Variants in COPB1 observed in about 807,000 individuals in gnomAD.
COPB1 encodes coatomer subunit beta.
A neutral mutation model predicts 108.7 loss-of-function variants in COPB1; 21 were observed. That is an observed-to-expected ratio of 0.19 (90% CI 0.14 to 0.28). COPB1 has a LOEUF of 0.28. Ranked by LOEUF, COPB1 falls within the 10% of genes least tolerant of loss-of-function variation. The pLI, the probability that COPB1 is intolerant of heterozygous loss-of-function variation, is 1.00. For missense variants in COPB1, 919 were observed against 1,141.3 expected (o/e 0.81, Z 2.81); for synonymous variants, 378 against 386.8 (o/e 0.98, Z 0.27).
At chr11:14,493,984 C>T (rs912415918) in intron 3 of COPB1, among the ~76,000 whole-genome samples, 173 bp from the exon 4 acceptor site, 2 of 152,100 alleles carry the variant, frequency 1.3e-5, no homozygotes, top group African/African-American at 4.8e-5. Context: ...TCATCAATGT[C>T]TTATATGTGT....
intron 14 of COPB1, among the ~76,000 whole-genome samples, chr11:14,469,819 C>T (rs1239188106): frequency 2.6e-5 from 4 of 152,236 alleles, no homozygotes; most frequent in African/African-American, 9.6e-5. Flanking sequence ...TCCAGTCCTT[C>T]TCTGTAACCA....
At position 14,466,263 on chromosome 11, in the gene COPB1, G is replaced by A. The variant is rs1291101074; in HGVS notation, c.2290+19C>T. The A allele has an allele frequency of 2.5e-6, 4 of 1,611,076 alleles. No individual in the cohort carries two copies. The highest frequency in any genetic ancestry group is 3.4e-6 in the Non-Finnish European group (4 of 1,178,390). On this transcript the variant is annotated intron_variant, in intron 17 of 21. Coordinates refer to ENST00000439561, the MANE Select transcript of COPB1 (RefSeq NM_001144061.2). The stretch of plus-strand genomic sequence containing the variant: ...TCTACTATGTGACAATCTCTTTCCT[G>A]AATGGTAAGTTTCCTCACCTAGTGT...
intron 4 of COPB1, among the ~76,000 whole-genome samples, chr11:14,491,109 G>A (rs1354040392): frequency 6.6e-6 from 1 of 151,514 alleles, no homozygotes; most frequent in South Asian, 2.1e-4. Flanking sequence ...GCAGTGGAGT[G>A]ATCTCGGCTT....
At position 14,479,425 on chromosome 11, in the gene COPB1, A is replaced by G. The variant is rs1850607934; in HGVS notation, c.1358+144T>C. On this transcript the variant is annotated intron_variant, in intron 11 of 21. Coordinates refer to ENST00000439561, the MANE Select transcript of COPB1 (RefSeq NM_001144061.2). The stretch of plus-strand genomic sequence containing the variant: ...TTTATTATAGACTAAATGAGAGTGG[A>G]GTTAGCGAGATGCTTGTTGTACAAA... 4.6e-6 allele frequency: 3 copies of G among 650,490 alleles called. No homozygotes were observed. The East Asian group carries it at 8.5e-5, about 18-fold the overall frequency. 40.3% of individuals were successfully genotyped at this position (650,490 alleles called of 1,614,324 possible). A position where few individuals can be genotyped will look rare whatever the true frequency, so the allele number is the denominator to read the frequency against.
At chr11:14,464,142 A>C (rs1225824582) in intron 18 of COPB1, among the ~76,000 whole-genome samples, 4 of 152,138 alleles carry the variant, frequency 2.6e-5, no homozygotes, top group African/African-American at 9.7e-5. Context: ...ACCCATTCTG[A>C]ACTCCAAGTG....
chr11:14,475,052 C>G (rs1281952444), intron 13 of COPB1, among the ~76,000 whole-genome samples: 1 of 147,092 alleles, frequency 6.8e-6, no homozygotes, highest in African/African-American at 2.5e-5. Context: ...CATGATCGCG[C>G]CACTGCACTC....
Position 14,477,020 on chromosome 11 carries a change from C to T in COPB1, c.1359-5G>A. 6.4e-7 allele frequency: 1 copy of T among 1,560,616 alleles called. No homozygotes were observed. Among genetic ancestry groups the T allele is most frequent in the Non-Finnish European group, 8.8e-7 (1 of 1,131,838 alleles). ...CATAATGCTCCTCGGTAAATCCTAG[C>T]ACAATACAAGATCTGAAACATGAAC... On this transcript the variant is annotated splice_region_variant and splice_polypyrimidine_tract_variant and intron_variant, in intron 11 of 21. Coordinates refer to ENST00000439561, the MANE Select transcript of COPB1 (RefSeq NM_001144061.2).
At chr11:14,458,007 CCAAA>C in intron 21 of COPB1, 124 bp from the exon 22 acceptor site, 1 of 494,128 alleles carries the variant, frequency 2.0e-6, no homozygotes, top group South Asian at 3.9e-5. Flanking sequence ...CAAGGACATA[CCAAA>C]CAGACTTACC....
intron 13 of COPB1, 114 bp from the exon 14 acceptor site, chr11:14,474,729 A>G: frequency 7.0e-7 from 1 of 1,426,248 alleles, no homozygotes; most frequent in Non-Finnish European, 9.3e-7. Context: ...CTTCAGTGAT[A>G]AGGATACCTT....
intron 2 of COPB1, among the ~76,000 whole-genome samples, chr11:14,498,179 T>C (rs1851069338): frequency 6.6e-6 from 1 of 152,206 alleles, no homozygotes; most frequent in African/African-American, 2.4e-5. Context: ...TGTAACTGGA[T>C]TGTCACACAG....
At chr11:14,470,132 GTTT>G (rs144902005) in intron 14 of COPB1, among the ~76,000 whole-genome samples, 4 of 152,104 alleles carry the variant, frequency 2.6e-5, no homozygotes, top group African/African-American at 9.7e-5. Context: ...GTCTTAAAAT[GTTT>G]TTGTTTTATT....
At chr11:14,458,804 TC>T in intron 20 of COPB1, 117 bp from the exon 21 acceptor site, 1 of 960,858 alleles carries the variant, frequency 1.0e-6, no homozygotes, top group Non-Finnish European at 1.5e-6. Flanking sequence ...CACTCTGTTG[TC>T]CAGCTTGGAG....
intron 2 of COPB1, 36 bp downstream of exon 2, chr11:14,498,802 T>C: frequency 6.6e-7 from 1 of 1,505,536 alleles, no homozygotes; most frequent in Non-Finnish European, 9.0e-7. Flanking sequence ...GTTTTTTCTT[T>C]TTTCATTTCA....
Position 14,494,346 on chromosome 11 carries a change from A to G in COPB1, c.185T>C (p.Ile62Thr). 1 of 1,613,588 alleles carries G rather than the reference A, an allele frequency of 6.2e-7. No individual in the cohort carries two copies. The highest frequency in any genetic ancestry group is 8.5e-7 in the Non-Finnish European group (1 of 1,179,596). ...CTGAAGAGGTAGCACAAAACGAATG[A>G]TGGTCATCAGAAGTCCAGGAAGTTT... ...GEKLPGLLMT[I>T]IRFVLPLQDH... The change falls in exon 3 of 22, where the codon ATC (isoleucine) becomes ACC (threonine). Residue 62 changes from isoleucine to threonine, a missense_variant. By Grantham distance (89) the Ile-to-Thr change is moderately conservative. Coordinates refer to ENST00000439561, the MANE Select transcript of COPB1 (RefSeq NM_001144061.2).
chr11:14,490,501 T>G, intron 5 of COPB1, 64 bp downstream of exon 5: 1 of 869,804 alleles, frequency 1.1e-6, no homozygotes. Context: ...TGATTAAGTC[T>G]ATGTAATACT....
In COPB1 at chr11:14,476,893, C is replaced by T. The variant is rs1023669775; in HGVS notation, c.1455+26G>A. 7 of 1,422,054 alleles carry T rather than the reference C, an allele frequency of 4.9e-6. No homozygotes were observed. The African/African-American group carries it at 7.1e-5, about 14-fold the overall frequency. 88.1% of individuals were successfully genotyped at this position (1,422,054 alleles called of 1,614,324 possible). On this transcript the variant is annotated intron_variant, in intron 12 of 21. Transcript: ENST00000439561. Reference sequence around the variant, plus strand: ...CCTAAAGGAAAAATTACCATATAAACTAACATTTACTAAAGTAAAACATAC... The same window carrying T: ...CCTAAAGGAAAAATTACCATATAAATTAACATTTACTAAAGTAAAACATAC...
At chr11:14,496,869 A>G (rs1851032507) in intron 2 of COPB1, among the ~76,000 whole-genome samples, 1 of 152,196 alleles carries the variant, frequency 6.6e-6, no homozygotes, top group African/African-American at 2.4e-5. Flanking sequence ...CCCATGGAAA[A>G]TAACAGAACC....
intron 13 of COPB1, among the ~76,000 whole-genome samples, chr11:14,475,191 G>A (rs903120905): frequency 6.0e-5 from 9 of 150,872 alleles, no homozygotes; most frequent in African/African-American, 2.0e-4. Context: ...AGGGGCATAC[G>A]TAATTGCAGC....
At chr11:14,489,201 C>A (rs1231698663) in intron 5 of COPB1, among the ~76,000 whole-genome samples, 2 of 152,116 alleles carry the variant, frequency 1.3e-5, no homozygotes, top group Non-Finnish European at 1.5e-5. Context: ...ATTAACATTG[C>A]TACTATCAAA....
Sources: gnomAD v4.1 joint callset for allele counts (sites outside exome capture counted in the v4.1 genomes callset) on GRCh38, gnomAD v4.1.1 for gene constraint, MANE v1.5 for transcripts, NCBI Gene and HGNC (gene_info 2026-07-23, HGNC 2026-07-21) for gene names.